GOT2: variants seen among roughly 807,000 people sequenced by gnomAD.
GOT2 encodes aspartate aminotransferase, mitochondrial.
A neutral mutation model predicts 50.0 loss-of-function variants in GOT2; 17 were observed. The ratio of observed to expected loss-of-function variants is 0.34; its 90% CI spans 0.23 to 0.51. The LOEUF (loss-of-function observed/expected upper bound fraction) is 0.51. Ranked by LOEUF, GOT2 falls within the 20% of genes least tolerant of loss-of-function variation. The probability of loss-of-function intolerance (pLI) is 0.97; values close to 1 mark genes in which losing one functional copy is unlikely to be tolerated. For synonymous variants in GOT2, 172 were observed against 204.9 expected, an observed-to-expected ratio of 0.84 and a Z score of 1.37; for missense variants, 430 against 559.6, an observed-to-expected ratio of 0.77 and a Z score of 2.34.
intron 8 of GOT2, among the ~76,000 whole-genome samples, chr16:58,714,259 T>C (rs533535502): frequency 2.0e-5 from 3 of 151,812 alleles, no homozygotes; most frequent in Admixed American, 1.3e-4. Context: ...TTAGAAAATA[T>C]TGGAGTGGAG....
In GOT2 at chr16:58,708,137, G is replaced by A; in HGVS notation, c.*34C>T. ...CTCTCAATAGCAGAGGCTGAAGACAGAAAGGTTGTCTCTGTTTCCTCGCAC... is the reference window on the plus strand; with the variant it reads ...CTCTCAATAGCAGAGGCTGAAGACAAAAAGGTTGTCTCTGTTTCCTCGCAC... On this transcript the variant is annotated 3_prime_UTR_variant, in exon 10 of 10. Transcript: ENST00000245206. The A allele has an allele frequency of 6.2e-7, 1 of 1,608,998 alleles. No homozygotes were observed. Among genetic ancestry groups the A allele is most frequent in the East Asian group, 2.2e-5 (1 of 44,850 alleles).
intron 1 of GOT2, among the ~76,000 whole-genome samples, chr16:58,727,443 T>C (rs949865205): frequency 6.6e-6 from 1 of 151,894 alleles, no homozygotes; most frequent in African/African-American, 2.4e-5. Flanking sequence ...GCCAGAACAC[T>C]TTTCTAGGCT....
intron 8 of GOT2, among the ~76,000 whole-genome samples, chr16:58,712,021 C>A (rs1567485275): frequency 1.3e-5 from 2 of 152,180 alleles, no homozygotes; most frequent in South Asian, 4.1e-4. Flanking sequence ...GCATAATGCA[C>A]GTCCCACGCC....
rs1327148291 is a variant in GOT2, at chr16:58,718,690, TA to T, written c.436-3del. The T allele has an allele frequency of 1.0e-5, 16 of 1,554,626 alleles. No homozygotes were observed. The highest frequency in any genetic ancestry group is 1.2e-5 in the Non-Finnish European group (14 of 1,151,264). ...TCGGCTGAACTTAAAAAATCTTTGC[TA>T]AAAGATGGGACGAAAGGAAACAGAA... On this transcript the variant is annotated splice_polypyrimidine_tract_variant and splice_region_variant and intron_variant, in intron 4 of 9. Transcript: ENST00000245206.
chr16:58,734,316 TAAGGACAGGGAC>T (rs1299596282), upstream of GOT2: 13 of 701,160 alleles, frequency 1.9e-5, no homozygotes, highest in African/African-American at 2.0e-4. Context: ...CTGCTGAAGG[TAAGGACAGGGAC>T]TTCCCTGGGC....
intron 2 of GOT2, among the ~76,000 whole-genome samples, chr16:58,723,356 A>C (rs940547682): frequency 1.4e-4 from 22 of 152,240 alleles, no homozygotes; most frequent in African/African-American, 5.3e-4. Context: ...TGATTAAAGT[A>C]ATCACAGTTA....
chr16:58,716,449 C>G (rs964081899), intron 7 of GOT2: 1 of 605,722 alleles, frequency 1.7e-6, no homozygotes. Flanking sequence ...TAATCAGTTT[C>G]CTTTGCTGGA....
chr16:58,714,985 T>C (rs2044680290), intron 8 of GOT2, among the ~76,000 whole-genome samples: 1 of 151,942 alleles, frequency 6.6e-6, no homozygotes, highest in Non-Finnish European at 1.5e-5. Flanking sequence ...CTTATGTGGA[T>C]TGTGGTCAAA....
chr16:58,708,897 C>A (rs1164474701), intron 9 of GOT2, among the ~76,000 whole-genome samples: 1 of 151,460 alleles, frequency 6.6e-6, no homozygotes, highest in African/African-American at 2.4e-5. Flanking sequence ...AATACTTTTA[C>A]CTAAAAGGGC....
chr16:58,723,974 G>C (rs1488184713), intron 1 of GOT2, 72 bp from the exon 2 acceptor site: 4 of 1,374,448 alleles, frequency 2.9e-6, no homozygotes, highest in Admixed American at 1.9e-5. Flanking sequence ...TTATTTATGA[G>C]ATAGACTCTT....
intron 8 of GOT2, among the ~76,000 whole-genome samples, chr16:58,713,337 T>C (rs539500499): frequency 6.6e-6 from 1 of 152,198 alleles, no homozygotes; most frequent in Admixed American, 6.6e-5. Flanking sequence ...GAACCTATTA[T>C]ACCATAAAGA....
At chr16:58,711,076 C>T (rs1306554682) in intron 8 of GOT2, among the ~76,000 whole-genome samples, 1 of 149,266 alleles carries the variant, frequency 6.7e-6, no homozygotes, top group Non-Finnish European at 1.5e-5. Context: ...TTATTTTTGA[C>T]ATGGATGAAA....
chr16:58,726,973 G>C (rs1233747418), intron 1 of GOT2, among the ~76,000 whole-genome samples: 1 of 151,980 alleles, frequency 6.6e-6, no homozygotes, highest in Non-Finnish European at 1.5e-5. Flanking sequence ...GACCAACACG[G>C]TGAAACTCTG....
chr16:58,717,265 C>A (rs1296875341), intron 6 of GOT2, among the ~76,000 whole-genome samples: 1 of 152,072 alleles, frequency 6.6e-6, no homozygotes, highest in Non-Finnish European at 1.5e-5. Context: ...GTAGTCCCAG[C>A]TACTCAGGGG....
intron 8 of GOT2, among the ~76,000 whole-genome samples, chr16:58,713,064 A>G (rs1048059632): frequency 3.9e-5 from 6 of 152,202 alleles, no homozygotes; most frequent in African/African-American, 1.4e-4. Flanking sequence ...GTGCCATTGC[A>G]CTCCAGCCTG....
chr16:58,710,237 T>C (rs1031139305), intron 8 of GOT2, among the ~76,000 whole-genome samples: 3 of 151,884 alleles, frequency 2.0e-5, no homozygotes, highest in South Asian at 4.2e-4. Context: ...ATACAGTCCA[T>C]CACCCAGTCT....
At chr16:58,729,043 G>C (rs768682283) in intron 1 of GOT2, among the ~76,000 whole-genome samples, 2 of 151,818 alleles carry the variant, frequency 1.3e-5, no homozygotes, top group Non-Finnish European at 2.9e-5. Context: ...AGGAGACACT[G>C]CCATTATCAC....
intron 9 of GOT2, 42 bp downstream of exon 9, chr16:58,709,375 A>G: frequency 6.6e-7 from 1 of 1,513,788 alleles, no homozygotes; most frequent in Non-Finnish European, 9.0e-7. Context: ...GTTTGCAAAG[A>G]CTGATCAGCT....
At chr16:58,718,066 A>C in intron 6 of GOT2, 130 bp downstream of exon 6, 1 of 742,476 alleles carries the variant, frequency 1.3e-6, no homozygotes, top group Non-Finnish European at 2.5e-6. Context: ...CTTTTCTGGC[A>C]GCTTATCCAC....
Sources: allele counts gnomAD v4.1 joint callset (sites outside exome capture counted in the v4.1 genomes callset), GRCh38; gene constraint gnomAD v4.1.1; transcripts MANE v1.5; gene names NCBI Gene and HGNC (gene_info 2026-07-23, HGNC 2026-07-21).